Variants in GDA observed in about 807,000 individuals in gnomAD.
The protein encoded by GDA is guanine deaminase, also known as cytoplasmic PSD-95 interactor.
GDA carries 18 observed loss-of-function variants against 59.6 expected under a neutral mutation model. The ratio of observed to expected loss-of-function variants is 0.30; its 90% CI spans 0.21 to 0.45. The LOEUF (loss-of-function observed/expected upper bound fraction) is 0.45, where lower values mean the gene tolerates loss of function less well. Among genes scored for constraint, GDA ranks in the 20% least tolerant of loss-of-function variants. The probability of loss-of-function intolerance (pLI) is 1.00; values close to 1 mark genes in which losing one functional copy is unlikely to be tolerated. For synonymous variants in GDA, 201 were observed against 201.1 expected, an observed-to-expected ratio of 1.00 and a Z score of 0.00; for missense variants, 427 against 552.3, an observed-to-expected ratio of 0.77 and a Z score of 2.27.
intron 1 of GDA, among the ~76,000 whole-genome samples, chr9:72,191,058 T>C (rs1349791136): frequency 1.3e-5 from 2 of 152,208 alleles, no homozygotes; most frequent in East Asian, 1.9e-4. Context: ...ATTCAATTCT[T>C]TGAACTTGTT....
chr9:72,254,102 G>T (rs1205668603), downstream of GDA, among the ~76,000 whole-genome samples: 1 of 152,108 alleles, frequency 6.6e-6, no homozygotes, highest in Non-Finnish European at 1.5e-5. Flanking sequence ...CAGGTGTTTT[G>T]TTTTGTTTTC....
chr9:72,143,558 T>A (rs1237113967), intron 1 of GDA, among the ~76,000 whole-genome samples: 1 of 152,190 alleles, frequency 6.6e-6, no homozygotes, highest in Non-Finnish European at 1.5e-5. Context: ...ACATACTACT[T>A]AAAACCTTCC....
At chr9:72,248,251 A>G (rs769622676) in intron 13 of GDA, 21 bp from the exon 14 acceptor site, 4 of 1,533,808 alleles carry the variant, frequency 2.6e-6, no homozygotes, top group Non-Finnish European at 2.7e-6. Context: ...TTTATACATG[A>G]TTCCTTGATT....
intron 3 of GDA, among the ~76,000 whole-genome samples, chr9:72,203,671 G>A (rs1340556820): frequency 6.6e-6 from 1 of 152,146 alleles, no homozygotes; most frequent in Non-Finnish European, 1.5e-5. Flanking sequence ...GGATTTTTGT[G>A]GGACCCATTG....
At chr9:72,122,318 T>A (rs1331969627) in intron 1 of GDA, among the ~76,000 whole-genome samples, 1 of 152,184 alleles carries the variant, frequency 6.6e-6, no homozygotes, top group African/African-American at 2.4e-5. Flanking sequence ...ACTATGCATC[T>A]CTGGGCTCTG....
chr9:72,234,361 G>C (rs1338691806), intron 10 of GDA, among the ~76,000 whole-genome samples: 1 of 152,132 alleles, frequency 6.6e-6, no homozygotes, highest in Non-Finnish European at 1.5e-5. Flanking sequence ...CTATATAATT[G>C]TTAACATTCT....
chr9:72,156,126 A>G (rs1215145275), intron 1 of GDA, among the ~76,000 whole-genome samples: 1 of 152,238 alleles, frequency 6.6e-6, no homozygotes, highest in East Asian at 1.9e-4. Context: ...AAGTGCATCA[A>G]GAGTGATCGC....
chr9:72,195,399 C>A, intron 1 of GDA, 101 bp from the exon 2 acceptor site: 2 of 236,854 alleles, frequency 8.4e-6, no homozygotes, highest in East Asian at 9.6e-5. Flanking sequence ...CCTTTTAACT[C>A]AGCTATAGTC....
chr9:72,129,478 T>C (rs1015312678), intron 1 of GDA, among the ~76,000 whole-genome samples: 4 of 152,136 alleles, frequency 2.6e-5, no homozygotes, highest in African/African-American at 9.7e-5. Context: ...CAGTCCAAGT[T>C]AGGACTCAAT....
At chr9:72,161,107 C>T (rs903931653) in intron 1 of GDA, among the ~76,000 whole-genome samples, 17 of 151,660 alleles carry the variant, frequency 1.1e-4, no homozygotes, top group South Asian at 2.1e-4. Context: ...AGGATTTCAC[C>T]ATGTTGGCCA....
chr9:72,190,175 T>A (rs1235195291), intron 1 of GDA, among the ~76,000 whole-genome samples: 1 of 152,228 alleles, frequency 6.6e-6, no homozygotes, highest in African/African-American at 2.4e-5. Flanking sequence ...TTGTGCAGGC[T>A]GGAGTGCAGT....
intron 5 of GDA, among the ~76,000 whole-genome samples, chr9:72,215,030 G>A (rs947907767): frequency 6.6e-6 from 1 of 152,122 alleles, no homozygotes; most frequent in African/African-American, 2.4e-5. Context: ...CACTGTGCCC[G>A]GCTCAAAGTT....
chr9:72,205,110 C>CAAAAAAA (rs71357549), intron 3 of GDA, among the ~76,000 whole-genome samples: 5 of 86,182 alleles, frequency 5.8e-5, no homozygotes, highest in Non-Finnish European at 1.1e-4. Context: ...GACTCTGTCT[C>CAAAAAAA]AAAAAAAAAA....
chr9:72,194,200 A>G (rs1266365978), intron 1 of GDA: 1 of 152,120 alleles, frequency 6.6e-6, no homozygotes, highest in Non-Finnish European at 1.5e-5. Flanking sequence ...CCTCAAGCAG[A>G]AGGAGTCTTG....
At position 72,250,393 on chromosome 9, in the gene GDA, G is replaced by A; in HGVS notation, c.*2051G>A. The A allele has an allele frequency of 1.8e-6, 2 of 1,135,762 alleles. No individual in the cohort carries two copies. The highest frequency in any genetic ancestry group is 2.2e-6 in the Non-Finnish European group (2 of 922,178). 70.4% of individuals were successfully genotyped at this position (1,135,762 alleles called of 1,614,324 possible). A position where few individuals can be genotyped will look rare whatever the true frequency, so the allele number is the denominator to read the frequency against. On this transcript the variant is annotated 3_prime_UTR_variant, in exon 14 of 14. Coordinates refer to ENST00000358399, the MANE Select transcript of GDA (RefSeq NM_004293.5). Reference sequence around the variant, plus strand: ...ATAAATAAGTGTAGCATCAGAAGCAGTAGGAATGGCCGTATACAACCATCC... The same window carrying A: ...ATAAATAAGTGTAGCATCAGAAGCAATAGGAATGGCCGTATACAACCATCC...
intron 1 of GDA, among the ~76,000 whole-genome samples, chr9:72,182,418 TG>T (rs899697129): frequency 6.6e-5 from 10 of 152,212 alleles, no homozygotes; most frequent in Non-Finnish European, 1.2e-4. Flanking sequence ...TCCCTTAATT[TG>T]GGTTTGTCTG....
chr9:72,246,595 T>C (rs1840164466), intron 12 of GDA, among the ~76,000 whole-genome samples: 2 of 152,000 alleles, frequency 1.3e-5, no homozygotes, highest in South Asian at 4.2e-4. Flanking sequence ...TGTGGTCCAG[T>C]GGTAATAAGC....
chr9:72,172,930 A>C (rs904624624), intron 1 of GDA, among the ~76,000 whole-genome samples: 2 of 152,230 alleles, frequency 1.3e-5, no homozygotes. Flanking sequence ...ATACAAGAAC[A>C]TAACTGTCTT....
At chr9:72,195,337 C>CT (rs55634274) in intron 1 of GDA, among the ~76,000 whole-genome samples, 163 bp from the exon 2 acceptor site, 4,748 of 119,536 alleles carry the variant, frequency 0.04, 333 homozygotes, top group African/African-American at 0.13. Flanking sequence ...AAACACCTGT[C>CT]TTTTTTTTTT....
Sources: allele counts gnomAD v4.1 joint callset (sites outside exome capture counted in the v4.1 genomes callset), GRCh38; gene constraint gnomAD v4.1.1; transcripts MANE v1.5; gene names NCBI Gene and HGNC (gene_info 2026-07-23, HGNC 2026-07-21).